ARHGAP44: variants seen among roughly 807,000 people sequenced by gnomAD.
ARHGAP44 encodes the protein Rho GTPase activating protein 44.
A neutral mutation model predicts 106.8 loss-of-function variants in ARHGAP44; 43 were observed. The ratio of observed to expected loss-of-function variants is 0.40; its 90% CI spans 0.32 to 0.52. ARHGAP44 has a LOEUF of 0.52. ARHGAP44 is among the 20% of genes least tolerant of loss of function. The probability of loss-of-function intolerance (pLI) is 0.48; values close to 1 mark genes in which losing one functional copy is unlikely to be tolerated. For missense variants in ARHGAP44, 866 were observed against 1,050.5 expected (o/e 0.82, Z 2.43); for synonymous variants, 439 against 410.3 (o/e 1.07, Z -0.85).
At position 12,842,096 on chromosome 17, in the gene ARHGAP44, C is replaced by T. The variant is rs1358144083; in HGVS notation, c.53+52205C>T. Among the ~76,000 whole-genome samples, 5 of 151,666 alleles carry T rather than the reference C, an allele frequency of 3.3e-5. No homozygotes were observed. In the East Asian group the frequency reaches 7.8e-4, roughly 24 times the overall value. On this transcript the variant is annotated intron_variant, in intron 1 of 20. Coordinates refer to ENST00000379672, the MANE Select transcript of ARHGAP44 (RefSeq NM_014859.6). ...CCGAACATGAGAATCGCTTGGACCC[C>T]GCTCCCAAAGATTTGATGTCATTGG...
chr17:12,825,869 T>G (rs2034905154), intron 1 of ARHGAP44, among the ~76,000 whole-genome samples: 1 of 152,208 alleles, frequency 6.6e-6, no homozygotes, highest in African/African-American at 2.4e-5. Flanking sequence ...TAGAAGGCAG[T>G]CAGTAAACAT....
chr17:12,885,447 C>A (rs552859995), intron 1 of ARHGAP44, among the ~76,000 whole-genome samples: 1 of 151,556 alleles, frequency 6.6e-6, no homozygotes, highest in Non-Finnish European at 1.5e-5. Context: ...TTTTCTACAT[C>A]GGCTGTACCA....
chr17:12,914,127 C>G (rs1184946280), intron 4 of ARHGAP44, among the ~76,000 whole-genome samples: 1 of 152,056 alleles, frequency 6.6e-6, no homozygotes. Flanking sequence ...TAAATAGATC[C>G]TAATACAAAA....
chr17:12,876,554 AT>A (rs2036561364), intron 1 of ARHGAP44, among the ~76,000 whole-genome samples: 1 of 152,144 alleles, frequency 6.6e-6, no homozygotes, highest in Admixed American at 6.5e-5. Flanking sequence ...TGGGAGGAAT[AT>A]TAGGAGGAAT....
At chr17:12,938,820 G>A (rs2038626328) in intron 7 of ARHGAP44, among the ~76,000 whole-genome samples, 1 of 151,916 alleles carries the variant, frequency 6.6e-6, no homozygotes, top group Non-Finnish European at 1.5e-5. Flanking sequence ...GATTTTTTTG[G>A]AATCCATATT....
Position 12,840,282 on chromosome 17 carries a change from G to T in ARHGAP44, c.53+50391G>T, listed in dbSNP as rs9908269. Among the ~76,000 whole-genome samples, 1,507 of 152,250 alleles carry T rather than the reference G, an allele frequency of 9.9e-3. 28 individuals are homozygous for T. Among genetic ancestry groups the T allele is most frequent in the African/African-American group, 0.034 (1,420 of 41,548 alleles). On this transcript the variant is annotated intron_variant, in intron 1 of 20. Coordinates refer to ENST00000379672, the MANE Select transcript of ARHGAP44 (RefSeq NM_014859.6). ...CAGTCTGGAAGCATGTATGTGGTTA[G>T]TTTATTGAGGTCAAAACATCCTTAG... is the stretch of plus-strand genomic sequence containing the variant.
Position 12,949,733 on chromosome 17 carries a change from G to A in ARHGAP44, c.1055+3G>A, listed in dbSNP as rs1224034640. ...GATGAGTGGATCCAGGCTTCCAAGT[G>A]AGTACCCCTTGTTTTGGAATGTCCT... On this transcript the variant is annotated splice_donor_region_variant and intron_variant, in intron 12 of 20. Transcript: ENST00000379672. This position sits in a 1 kb window ranked among gnomAD's most constrained non-coding sequence, Gnocchi z 4.1. 16 of 1,612,092 alleles carry A rather than the reference G, an allele frequency of 9.9e-6. No individual in the cohort carries two copies. Among genetic ancestry groups the A allele is most frequent in the Non-Finnish European group, 1.3e-5 (15 of 1,178,554 alleles).
At chr17:12,956,606 T>C (rs2039132156) in intron 14 of ARHGAP44, 49 bp from the exon 15 acceptor site, 3 of 1,549,206 alleles carry the variant, frequency 1.9e-6, no homozygotes, top group Non-Finnish European at 1.8e-6. Flanking sequence ...CCTCAAAGCT[T>C]GCCTCAGCTG....
At chr17:12,850,848 T>A (rs1472905260) in intron 1 of ARHGAP44, among the ~76,000 whole-genome samples, 2 of 152,154 alleles carry the variant, frequency 1.3e-5, no homozygotes, top group Non-Finnish European at 2.9e-5. Context: ...GGTGAATGAA[T>A]GAATGAGGAC....
chr17:12,828,772 G>C (rs2035001911), intron 1 of ARHGAP44, among the ~76,000 whole-genome samples: 1 of 151,256 alleles, frequency 6.6e-6, no homozygotes, highest in African/African-American at 2.4e-5. Context: ...CTGCTGAGTA[G>C]CTGGGACTAC....
At chr17:12,851,469 C>CT (rs796114705) in intron 1 of ARHGAP44, among the ~76,000 whole-genome samples, 60 of 150,184 alleles carry the variant, frequency 4.0e-4, no homozygotes, top group African/African-American at 1.2e-3. Flanking sequence ...ACTTTCTCTT[C>CT]TTTTTTTTTT....
intron 12 of ARHGAP44, among the ~76,000 whole-genome samples, chr17:12,950,966 A>T (rs1417547143): frequency 6.6e-6 from 1 of 152,100 alleles, no homozygotes; most frequent in African/African-American, 2.4e-5. Flanking sequence ...CCTGAAAGAG[A>T]CCCACCTGAC....
chr17:12,947,938 C>A (rs1228339841), intron 10 of ARHGAP44, among the ~76,000 whole-genome samples: 1 of 152,140 alleles, frequency 6.6e-6, no homozygotes, highest in Non-Finnish European at 1.5e-5. Flanking sequence ...GTGATCCTAG[C>A]AAGGCATAAG....
intron 1 of ARHGAP44, among the ~76,000 whole-genome samples, chr17:12,805,116 G>A (rs1430395725): frequency 6.6e-6 from 1 of 152,172 alleles, no homozygotes; most frequent in Non-Finnish European, 1.5e-5. Context: ...CTGTAGTGGG[G>A]GGTTGGAAGA....
intron 4 of ARHGAP44, among the ~76,000 whole-genome samples, chr17:12,915,222 A>G (rs2037871380): frequency 6.6e-6 from 1 of 152,192 alleles, no homozygotes; most frequent in Non-Finnish European, 1.5e-5. Context: ...TATTTTTAGT[A>G]GAGGCGGGGT....
intron 1 of ARHGAP44, among the ~76,000 whole-genome samples, chr17:12,891,993 T>C (rs565217692): frequency 8.0e-6 from 1 of 124,978 alleles, no homozygotes; most frequent in Admixed American, 8.1e-5. Context: ...GATGGCCATG[T>C]TGGCCAGGCT....
chr17:12,858,187 C>T (rs1457498371), intron 1 of ARHGAP44, among the ~76,000 whole-genome samples: 26 of 152,184 alleles, frequency 1.7e-4, no homozygotes, highest in Non-Finnish European at 7.3e-5. Context: ...GTTCCAACCA[C>T]GTCTGCTATT....
At chr17:12,960,654 G>A (rs573514199) in intron 16 of ARHGAP44, among the ~76,000 whole-genome samples, 3 of 152,140 alleles carry the variant, frequency 2.0e-5, no homozygotes, top group South Asian at 2.1e-4. Flanking sequence ...TCTGCATCCC[G>A]GTTTCAAGTA....
At chr17:12,908,416 C>A (rs183412982) in intron 3 of ARHGAP44, among the ~76,000 whole-genome samples, 1 of 152,028 alleles carries the variant, frequency 6.6e-6, no homozygotes, top group Non-Finnish European at 1.5e-5. Context: ...AGGTCGGTCT[C>A]GAACTCCTGA....
Sources: allele counts gnomAD v4.1 joint callset (sites outside exome capture counted in the v4.1 genomes callset), GRCh38; gene constraint gnomAD v4.1.1; non-coding constraint Gnocchi (gnomAD v3.1); transcripts MANE v1.5; gene names NCBI Gene and HGNC (gene_info 2026-07-23, HGNC 2026-07-21).